The following TAF2 variants were observed in gnomAD, a reference collection of about 807,000 sequenced individuals.
TAF2 encodes transcription initiation factor TFIID subunit 2.
A neutral mutation model predicts 138.5 loss-of-function variants in TAF2; 61 were observed. That is an observed-to-expected ratio of 0.44 (90% CI 0.36 to 0.54). The LOEUF (loss-of-function observed/expected upper bound fraction) is 0.54. Ranked by LOEUF, TAF2 falls within the 20% of genes least tolerant of loss-of-function variation. The probability of loss-of-function intolerance (pLI) is 0.00; values close to 1 mark genes in which losing one functional copy is unlikely to be tolerated. For synonymous variants in TAF2, 475 were observed against 469.9 expected (o/e 1.01, Z -0.14); for missense variants, 1,090 against 1,427.9 (o/e 0.76, Z 3.81).
At chr8:119,806,429 A>G (rs1824651195) in intron 3 of TAF2, 28 bp from the exon 4 acceptor site, 1 of 1,519,396 alleles carries the variant, frequency 6.6e-7, no homozygotes, top group Non-Finnish European at 9.1e-7. Context: ...CCAACTTTTA[A>G]TAATAAGCCA....
chr8:119,784,220 C>T (rs952823786), intron 15 of TAF2, among the ~76,000 whole-genome samples: 1 of 152,182 alleles, frequency 6.6e-6, no homozygotes, highest in African/African-American at 2.4e-5. Context: ...TTATTGTGTA[C>T]TTACTACAGG....
At chr8:119,813,091 G>A (rs890850665) in intron 3 of TAF2, among the ~76,000 whole-genome samples, 2 of 151,968 alleles carry the variant, frequency 1.3e-5, no homozygotes, top group African/African-American at 2.4e-5. Context: ...CCATATCCAC[G>A]CCAACATCTG....
At chr8:119,814,587 CAAGTAA>C (rs1351703725) in intron 3 of TAF2, among the ~76,000 whole-genome samples, 3 of 151,658 alleles carry the variant, frequency 2.0e-5, no homozygotes, top group African/African-American at 7.3e-5. Flanking sequence ...TGGGACATTT[CAAGTAA>C]AATAAAAAAG....
At chr8:119,804,381 T>A (rs1458670255) in intron 4 of TAF2, among the ~76,000 whole-genome samples, 4 of 152,184 alleles carry the variant, frequency 2.6e-5, no homozygotes, top group Non-Finnish European at 5.9e-5. Context: ...AACTTACTGA[T>A]ATAGTTTGGC....
chr8:119,772,859 C>G lies in TAF2; in HGVS notation c.2364+5160G>C, dbSNP rs566314752. Among the ~76,000 whole-genome samples the G allele has an allele frequency of 7.3e-5, 11 of 151,482 alleles. No homozygotes were observed. In the South Asian group the frequency reaches 2.3e-3, roughly 32 times the overall value. On this transcript the variant is annotated intron_variant, in intron 18 of 25. Coordinates refer to ENST00000378164, the MANE Select transcript of TAF2 (RefSeq NM_003184.4). ...GGCTGAGGCAGGAGAATCACTTGAA[C>G]CCAGGAGGTGGAGGTTGCAGTGAGC...
chr8:119,812,316 T>A lies in TAF2; in HGVS notation c.300-5915A>T, dbSNP rs187768546. Reference sequence around the variant, plus strand: ...CTCAAGACAGGGAGCCGAATGTGATTGCTGCCTCATTTTTTTTTTTTTAAT... The same window carrying A: ...CTCAAGACAGGGAGCCGAATGTGATAGCTGCCTCATTTTTTTTTTTTTAAT... On this transcript the variant is annotated intron_variant, in intron 3 of 25. Transcript: ENST00000378164. Among the ~76,000 whole-genome samples, 196 of 149,902 alleles carry A rather than the reference T, an allele frequency of 1.3e-3. 1 individual carries two copies. The highest frequency in any genetic ancestry group is 4.7e-3 in the African/African-American group (190 of 40,814).
chr8:119,754,182 C>T (rs904608803), intron 22 of TAF2, among the ~76,000 whole-genome samples: 1 of 151,874 alleles, frequency 6.6e-6, no homozygotes, highest in African/African-American at 2.4e-5. Context: ...TGCCTTTACT[C>T]GGTGGTATTG....
At chr8:119,743,911 A>G (rs917747615) in intron 24 of TAF2, among the ~76,000 whole-genome samples, 1 of 152,176 alleles carries the variant, frequency 6.6e-6, no homozygotes, top group African/African-American at 2.4e-5. Flanking sequence ...ATTATATGAG[A>G]TAGGCAGGCA....
intron 2 of TAF2, among the ~76,000 whole-genome samples, chr8:119,821,102 T>C (rs540965642): frequency 2.0e-5 from 3 of 152,180 alleles, no homozygotes; most frequent in Non-Finnish European, 2.9e-5. Context: ...GTAACAATAA[T>C]AGAATGATGA....
chr8:119,811,819 A>AT (rs1397056509), intron 3 of TAF2, among the ~76,000 whole-genome samples: 1 of 151,576 alleles, frequency 6.6e-6, no homozygotes, highest in East Asian at 1.9e-4. Flanking sequence ...AAAAAAAAAA[A>AT]AAAAAAAAAT....
At chr8:119,770,748 T>C (rs1265225932) in intron 18 of TAF2, among the ~76,000 whole-genome samples, 1 of 152,162 alleles carries the variant, frequency 6.6e-6, no homozygotes, top group Non-Finnish European at 1.5e-5. Context: ...AATATTAACC[T>C]TGAACAGAAA....
intron 6 of TAF2, among the ~76,000 whole-genome samples, chr8:119,799,040 G>C (rs1053304151): frequency 6.6e-6 from 1 of 151,968 alleles, no homozygotes; most frequent in African/African-American, 2.4e-5. Context: ...ACTAAGTCAG[G>C]AAAAACAATT....
Position 119,795,605 on chromosome 8 carries a change from A to G in TAF2, c.1118T>C (p.Ile373Thr). Residue 373 changes from isoleucine (I) to threonine (T), a missense_variant, in exon 9 of 26, where the codon ATT becomes ACT. Physicochemically the swap from Ile to Thr is moderately conservative, Grantham distance 89 (BLOSUM62 -1). Around this residue, in one of 3 missense-constraint regions of TAF2, gnomAD observed 504 missense variants for 680.9 expected, o/e 0.74. Coordinates refer to ENST00000378164, the MANE Select transcript of TAF2 (RefSeq NM_003184.4). The part of the protein sequence containing the change: ...SWSDEWVLKG[I>T]SGYIYGLWMK... ...CCAAAGTCCATAGATATAGCCTGAAATTCCCTTCAGCACCCATTCATCAGA... is the reference window on the plus strand; with the variant it reads ...CCAAAGTCCATAGATATAGCCTGAAGTTCCCTTCAGCACCCATTCATCAGA... The G allele has an allele frequency of 6.2e-7, 1 of 1,613,792 alleles. No homozygotes were observed. Among genetic ancestry groups the G allele is most frequent in the African/African-American group, 1.3e-5 (1 of 75,032 alleles).
At chr8:119,777,098 G>T (rs1168152769) in intron 18 of TAF2, among the ~76,000 whole-genome samples, 1 of 152,126 alleles carries the variant, frequency 6.6e-6, no homozygotes, top group Admixed American at 6.5e-5. Context: ...ATTGTATTAG[G>T]TAGTATAAGT....
At chr8:119,786,016 T>C (rs1462920888) in intron 14 of TAF2, among the ~76,000 whole-genome samples, 1 of 152,140 alleles carries the variant, frequency 6.6e-6, no homozygotes, top group Non-Finnish European at 1.5e-5. Flanking sequence ...CAGAATCAAG[T>C]TCCTTAAAAG....
intron 18 of TAF2, among the ~76,000 whole-genome samples, chr8:119,777,376 T>TA (rs1822327626): frequency 6.6e-6 from 1 of 152,160 alleles, no homozygotes; most frequent in Admixed American, 6.6e-5. Flanking sequence ...CTTGATGGTG[T>TA]AAAATCAGAC....
intron 20 of TAF2, 173 bp downstream of exon 20, chr8:119,760,426 T>A (rs951769581): frequency 1.4e-6 from 1 of 735,506 alleles, no homozygotes; most frequent in Non-Finnish European, 2.1e-6. Flanking sequence ...CCCTCATTTA[T>A]TAACTCTTAT....
intron 3 of TAF2, among the ~76,000 whole-genome samples, chr8:119,818,246 G>T (rs1825601749): frequency 6.6e-6 from 1 of 152,186 alleles, no homozygotes; most frequent in South Asian, 2.1e-4. Context: ...GATTCAGTGG[G>T]TCTGGGGTAT....
At chr8:119,796,381 T>C (rs1563892429) in intron 8 of TAF2, among the ~76,000 whole-genome samples, 1 of 152,096 alleles carries the variant, frequency 6.6e-6, no homozygotes, top group Non-Finnish European at 1.5e-5. Context: ...AATCTTAATT[T>C]TTCTGTTTTC....
Sources: gnomAD v4.1 joint callset for allele counts (sites outside exome capture counted in the v4.1 genomes callset) on GRCh38, gnomAD v4.1.1 for gene constraint, gnomAD v4.1.1 regional missense constraint, MANE v1.5 for transcripts, NCBI Gene and HGNC (gene_info 2026-07-23, HGNC 2026-07-21) for gene names.